The following PRDM1 variants were observed in gnomAD, a reference collection of about 807,000 sequenced individuals.
PRDM1 encodes PR/SET domain 1.
In PRDM1, 13 loss-of-function variants were observed where a neutral mutation model predicts 62.8. The observed-to-expected ratio is 0.21, with a 90% confidence interval of 0.13 to 0.33. PRDM1 has a LOEUF of 0.33. PRDM1 is among the 10% of genes least tolerant of loss of function. PRDM1 has a pLI of 1.00. For synonymous variants in PRDM1, 396 were observed against 417.6 expected (o/e 0.95, Z 0.63); for missense variants, 895 against 1,058.8 (o/e 0.85, Z 2.15).
At chr6:106,080,346 G>A (rs1207911116) in intron 1 of PRDM1, among the ~76,000 whole-genome samples, 1 of 152,122 alleles carries the variant, frequency 6.6e-6, no homozygotes, top group Non-Finnish European at 1.5e-5. Flanking sequence ...GCTGTTAACC[G>A]ATTAGTGAAC....
In PRDM1 at chr6:106,086,467, C is replaced by G; in HGVS notation, c.-87C>G. 5 of 1,361,472 alleles carry G rather than the reference C, an allele frequency of 3.7e-6. 1 individual carries two copies. The South Asian group carries it at 5.2e-5, about 14-fold the overall frequency. The allele number at this position is 1,361,472 out of a possible 1,614,324, so 84.3% of individuals were successfully genotyped here. A position where few individuals can be genotyped will look rare whatever the true frequency, so the allele number is the denominator to read the frequency against. On this transcript the variant is annotated 5_prime_UTR_variant, in exon 1 of 7. Transcript: ENST00000369096. ...GCGGCCGGACGAAGCGAGGAGGGAC[C>G]GCCGAGGTGCGCGTCTGTGCGGCTC... is the stretch of plus-strand genomic sequence containing the variant.
At chr6:106,089,038 C>G (rs901063150) in intron 2 of PRDM1, among the ~76,000 whole-genome samples, 1 of 152,178 alleles carries the variant, frequency 6.6e-6, no homozygotes, top group Non-Finnish European at 1.5e-5. Context: ...TGCAGCAGCT[C>G]CTTTGCTGGG....
rs548184962 is a variant in PRDM1 at position 106,040,463 on chromosome 6, G to A, written c.-67+46824G>A. ...AGTAAAAGGATTGAAGAGGCTCTCA[G>A]ATAGTCTGCTTAAGAGATATACTGT... On this transcript the variant is annotated intron_variant, in intron 1 of 6. Coordinates refer to the PRDM1 transcript ENST00000652320. Among the ~76,000 whole-genome samples, 8 of 152,296 alleles carry A rather than the reference G, an allele frequency of 5.3e-5. 1 individual carries two copies. In the South Asian group the frequency reaches 1.7e-3, roughly 32 times the overall value.
intron 3 of PRDM1, chr6:106,098,167 C>T: frequency 1.0e-6 from 1 of 984,796 alleles, no homozygotes; most frequent in Non-Finnish European, 1.2e-6. Context: ...CTGCTACGAA[C>T]AGTGCCTTAC....
rs755493156 is a variant in PRDM1, at chr6:106,106,988, A to G, written c.1980A>G (p.Gln660=). ...TCCATTCTGGAGAGAAACCATACCA[A>G]TGCAAGGTGTGCCCTGCCAAGTTCA... ...LRLHSGEKPY[Q]CKVCPAKFTQ... is the part of the protein sequence containing the mutation. The change falls in exon 7 of 7, where the codon CAA becomes CAG. Residue 660 remains glutamine (Q), a synonymous_variant. Coordinates refer to ENST00000369096, the MANE Select transcript of PRDM1 (RefSeq NM_001198.4). This position sits in a 1 kb window ranked among gnomAD's most constrained non-coding sequence, Gnocchi z 4.4. The G allele has an allele frequency of 5.0e-5, 81 of 1,614,128 alleles. No individual in the cohort carries two copies. The South Asian group carries it at 8.1e-4, about 16-fold the overall frequency.
chr6:106,016,187 TTGTG>T (rs1582426846), intron 1 of PRDM1, among the ~76,000 whole-genome samples: 1 of 152,188 alleles, frequency 6.6e-6, no homozygotes, highest in African/African-American at 2.4e-5. Context: ...TAATATCCCA[TTGTG>T]TGTATGGATT....
At chr6:106,094,592 G>T (rs192584661) in intron 2 of PRDM1, among the ~76,000 whole-genome samples, 1 of 152,134 alleles carries the variant, frequency 6.6e-6, no homozygotes, top group Non-Finnish European at 1.5e-5. Context: ...GCTTTCCTCC[G>T]TATAAACTTA....
At chr6:106,074,211 G>T (rs1411201622) in intron 1 of PRDM1, among the ~76,000 whole-genome samples, 1 of 152,176 alleles carries the variant, frequency 6.6e-6, no homozygotes, top group Non-Finnish European at 1.5e-5. Flanking sequence ...TTTTGTTATT[G>T]CAGATGAAAT....
intron 1 of PRDM1, among the ~76,000 whole-genome samples, chr6:106,027,302 A>G (rs563784091): frequency 1.5e-4 from 23 of 152,370 alleles, no homozygotes; most frequent in Admixed American, 1.4e-3. Context: ...TGGCAAAGCC[A>G]TCCTGCACAA....
chr6:106,072,829 G>T (rs1308266743), intron 1 of PRDM1, among the ~76,000 whole-genome samples: 3 of 152,196 alleles, frequency 2.0e-5, no homozygotes, highest in Admixed American at 6.5e-5. Flanking sequence ...GCTTCCAGGG[G>T]TGCTTTGAAG....
intron 1 of PRDM1, among the ~76,000 whole-genome samples, chr6:106,042,420 G>A (rs1773012756): frequency 6.6e-6 from 1 of 151,544 alleles, no homozygotes; most frequent in Non-Finnish European, 1.5e-5. Flanking sequence ...CCAGCTACTC[G>A]GGAGGCTGAG....
chr6:106,065,068 A>G (rs1773410767), intron 1 of PRDM1, among the ~76,000 whole-genome samples: 1 of 152,148 alleles, frequency 6.6e-6, no homozygotes, highest in East Asian at 1.9e-4. Flanking sequence ...TCTCTGGGGT[A>G]GTTGGAGGCT....
At chr6:106,052,424 C>G (rs1342197811) in intron 1 of PRDM1, among the ~76,000 whole-genome samples, 2 of 151,870 alleles carry the variant, frequency 1.3e-5, no homozygotes, top group African/African-American at 4.8e-5. Flanking sequence ...GTTATTGATG[C>G]CTTTAATGTT....
chr6:106,045,440 A>G (rs1012491815), upstream of PRDM1: 14 of 152,242 alleles, frequency 9.2e-5, no homozygotes, highest in African/African-American at 3.4e-4. Flanking sequence ...GTCTGGAACT[A>G]CGCCCTCATT....
intron 3 of PRDM1, chr6:106,096,006 G>C (rs539996080): frequency 2.5e-4 from 85 of 339,236 alleles, no homozygotes; most frequent in Admixed American, 6.2e-4. Context: ...GAAACAGTTT[G>C]TTGCTTGCTT....
chr6:106,012,068 TACAC>T (rs796256891), intron 1 of PRDM1, among the ~76,000 whole-genome samples: 3 of 86,852 alleles, frequency 3.5e-5, no homozygotes, highest in African/African-American at 9.2e-5. Context: ...CACACCACAC[TACAC>T]ACACACACAA....
chr6:106,033,955 T>C (rs1217900480), intron 1 of PRDM1, among the ~76,000 whole-genome samples: 4 of 152,140 alleles, frequency 2.6e-5, no homozygotes, highest in Admixed American at 6.5e-5. Flanking sequence ...CTTCAAATTT[T>C]CTATTTCTTC....
chr6:106,062,060 A>G (rs546234628), intron 1 of PRDM1, among the ~76,000 whole-genome samples: 1 of 152,220 alleles, frequency 6.6e-6, no homozygotes, highest in Non-Finnish European at 1.5e-5. Flanking sequence ...GAATACATTC[A>G]TCAGTGTTGC....
intron 1 of PRDM1, among the ~76,000 whole-genome samples, chr6:106,048,869 C>T (rs1773123264): frequency 6.6e-6 from 1 of 152,052 alleles, no homozygotes; most frequent in Non-Finnish European, 1.5e-5. Context: ...TGCTCTGTCC[C>T]CCAGGCTGGC....
Sources: gnomAD v4.1 joint callset for allele counts (sites outside exome capture counted in the v4.1 genomes callset) on GRCh38, gnomAD v4.1.1 for gene constraint, Gnocchi (gnomAD v3.1) non-coding constraint, MANE v1.5 for transcripts, NCBI Gene and HGNC (gene_info 2026-07-23, HGNC 2026-07-21) for gene names.